EML1: variants seen among roughly 807,000 people sequenced by gnomAD.
EML1 encodes echinoderm microtubule-associated protein-like 1.
Under a neutral mutation model 110.4 loss-of-function variants are expected in EML1, and 27 were observed. The ratio of observed to expected loss-of-function variants is 0.24; its 90% CI spans 0.18 to 0.34. The LOEUF (loss-of-function observed/expected upper bound fraction) is 0.34, where lower values mean the gene tolerates loss of function less well. Ranked by LOEUF, EML1 falls within the 10% of genes least tolerant of loss-of-function variation. The pLI is 1.00. For synonymous variants in EML1, 344 were observed against 385.8 expected, an observed-to-expected ratio of 0.89 and a Z score of 1.27; for missense variants, 741 against 1,030.9, an observed-to-expected ratio of 0.72 and a Z score of 3.85.
chr14:99,762,391 G>T (rs1277102392), intron 1 of EML1, among the ~76,000 whole-genome samples: 1 of 152,032 alleles, frequency 6.6e-6, no homozygotes, highest in Non-Finnish European at 1.5e-5. Context: ...GAAGCCCCTC[G>T]CACCCTCCTC....
chr14:99,804,068 T>G lies in EML1; in HGVS notation c.67+10525T>G, dbSNP rs372659035. On this transcript the variant is annotated intron_variant, in intron 1 of 21. Transcript: ENST00000262233. ...TTCACCGAATTAGTCCTTTAGAAAG[T>G]AATTAAGCAGGATTGCCCACACTCC... Among the ~76,000 whole-genome samples the G allele has an allele frequency of 1.6e-4, 24 of 152,336 alleles. 1 individual carries two copies. The South Asian group carries it at 4.3e-3, about 28-fold the overall frequency.
chr14:99,929,474 G>A (rs1255933650), intron 17 of EML1, among the ~76,000 whole-genome samples: 1 of 152,168 alleles, frequency 6.6e-6, no homozygotes, highest in Middle Eastern at 3.2e-3. Context: ...ATGATGGGAG[G>A]GACCCTATTT....
At chr14:99,926,749 CT>C (rs1032537404) in intron 17 of EML1, among the ~76,000 whole-genome samples, 585 of 141,726 alleles carry the variant, frequency 4.1e-3, no homozygotes, top group African/African-American at 5.3e-3. Flanking sequence ...CCAGCTCTGC[CT>C]TTTTTTTTTT....
At chr14:99,789,300 C>A (rs1048241709), upstream of EML1, among the ~76,000 whole-genome samples, 4 of 152,196 alleles carry the variant, frequency 2.6e-5, no homozygotes, top group African/African-American at 7.2e-5. Flanking sequence ...CCTCCACCTC[C>A]TGGGTTCAAG....
intron 1 of EML1, among the ~76,000 whole-genome samples, chr14:99,755,143 G>A (rs917305600): frequency 3.3e-5 from 5 of 152,242 alleles, no homozygotes; most frequent in African/African-American, 9.6e-5. Context: ...TGGGGCCTCT[G>A]GGCCCAATCC....
chr14:99,793,492 T>C lies in EML1; in HGVS notation c.16T>C (p.Ser6Pro). MEDGFSSYSSLYDTSS... is the reference protein window; with the variant it reads MEDGFPSYSSLYDTSS... The stretch of plus-strand genomic sequence containing the variant: ...CGGCCTCAGCATGGAGGACGGCTTC[T>C]CCAGCTACAGCAGCCTGTACGACAC... Residue 6 changes from serine to proline, a missense_variant, in exon 1 of 22, where the codon TCC (serine) becomes CCC (proline). By Grantham distance (74) the Ser-to-Pro change is moderately conservative (BLOSUM62 -1). This residue lies in a region of EML1 where 226 missense variants were observed against 255.6 expected (regional missense o/e 0.88). Coordinates refer to ENST00000262233, the MANE Select transcript of EML1 (RefSeq NM_004434.3). The C allele has an allele frequency of 9.5e-7, 1 of 1,052,910 alleles. No homozygotes were observed. The highest frequency in any genetic ancestry group is 1.1e-6 in the Non-Finnish European group (1 of 870,970). 65.2% of individuals were successfully genotyped at this position (1,052,910 alleles called of 1,614,324 possible). A position where few individuals can be genotyped will look rare whatever the true frequency, so the allele number is the denominator to read the frequency against.
At chr14:99,851,187 A>G (rs1395380887) in intron 2 of EML1, 152 bp downstream of exon 2, 2 of 858,626 alleles carry the variant, frequency 2.3e-6, no homozygotes, top group Non-Finnish European at 3.5e-6. Context: ...TAATCACACG[A>G]CGTATGATAG....
chr14:99,785,959 CA>C (rs2057594439), intron 1 of EML1, among the ~76,000 whole-genome samples: 1 of 149,330 alleles, frequency 6.7e-6, no homozygotes, highest in African/African-American at 2.5e-5. Flanking sequence ...ACCTGATGAT[CA>C]ATTACAAGGA....
At chr14:99,831,452 C>A (rs532114003) in intron 1 of EML1, among the ~76,000 whole-genome samples, 17 of 152,294 alleles carry the variant, frequency 1.1e-4, no homozygotes, top group Middle Eastern at 3.4e-3. Context: ...TTGCTCCCAT[C>A]GGCAGCTGTG....
chr14:99,872,159 G>A (rs750910027), intron 3 of EML1, among the ~76,000 whole-genome samples: 1 of 152,206 alleles, frequency 6.6e-6, no homozygotes, highest in African/African-American at 2.4e-5. Flanking sequence ...TTGTTAAGGG[G>A]ATGTCGGGGC....
At chr14:99,935,184 A>G (rs1168188132) in intron 17 of EML1, among the ~76,000 whole-genome samples, 1 of 152,212 alleles carries the variant, frequency 6.6e-6, no homozygotes, top group East Asian at 1.9e-4. Context: ...AATTGTATGA[A>G]AAGAATTTGT....
chr14:99,839,776 C>T (rs1034599146), intron 1 of EML1, among the ~76,000 whole-genome samples: 1 of 152,164 alleles, frequency 6.6e-6, no homozygotes, highest in Non-Finnish European at 1.5e-5. Context: ...GAGGTGGGAT[C>T]GATTCTTGTC....
At position 99,897,303 on chromosome 14, in the gene EML1, T is replaced by C. The variant is rs2059687516; in HGVS notation, c.827+9T>C. On this transcript the variant is annotated intron_variant, in intron 7 of 21. Transcript: ENST00000262233. ...AACGATGACGTGAAGTGGTAAGTCC[T>C]GAAACAGGTCATTCCTGCGACTCAG... 6.3e-7 allele frequency: 1 copy of C among 1,587,436 alleles called. No individual in the cohort carries two copies. Among genetic ancestry groups the C allele is most frequent in the Non-Finnish European group, 8.6e-7 (1 of 1,166,914 alleles).
chr14:99,793,091 GC>G (rs2057697074), upstream of EML1, among the ~76,000 whole-genome samples: 3 of 151,100 alleles, frequency 2.0e-5, 1 homozygote, highest in African/African-American at 7.2e-5. Context: ...CAGCCCCTGA[GC>G]CCCCGTGCGC....
intron 1 of EML1, among the ~76,000 whole-genome samples, chr14:99,811,574 G>A (rs1398046375): frequency 5.3e-5 from 8 of 150,908 alleles, no homozygotes; most frequent in African/African-American, 1.9e-4. Flanking sequence ...TGGCCAAGGC[G>A]GGAGGATCAC....
chr14:99,741,628 A>AC (rs11361579), intron 1 of EML1, among the ~76,000 whole-genome samples: 184 of 148,312 alleles, frequency 1.2e-3, no homozygotes, highest in African/African-American at 3.4e-3. Context: ...TTTTGCGCCC[A>AC]CCCCCCCCCA....
intron 1 of EML1, among the ~76,000 whole-genome samples, chr14:99,820,283 G>C (rs946087284): frequency 6.6e-6 from 1 of 152,210 alleles, no homozygotes; most frequent in Non-Finnish European, 1.5e-5. Flanking sequence ...GTTACTGAAA[G>C]TGAATTGTAT....
upstream of EML1, among the ~76,000 whole-genome samples, chr14:99,770,253 CA>C (rs2057409592): frequency 6.6e-6 from 1 of 152,164 alleles, no homozygotes; most frequent in African/African-American, 2.4e-5. Context: ...AAAGTGCTGG[CA>C]GATCTGGTGT....
chr14:99,850,196 C>T, intron 1 of EML1: 1 of 976,796 alleles, frequency 1.0e-6, no homozygotes, highest in Non-Finnish European at 1.4e-6. Context: ...ACCTCAGCCT[C>T]CCAAAGTGTT....
Sources: allele counts gnomAD v4.1 joint callset (sites outside exome capture counted in the v4.1 genomes callset), GRCh38; gene constraint gnomAD v4.1.1; regional missense constraint gnomAD v4.1.1; transcripts MANE v1.5; gene names NCBI Gene and HGNC (gene_info 2026-07-23, HGNC 2026-07-21).